Variants in CDK14 observed in about 807,000 individuals in gnomAD.
CDK14 encodes cyclin-dependent kinase 14.
CDK14 carries 34 observed loss-of-function variants against 60.7 expected under a neutral mutation model. That is an observed-to-expected ratio of 0.56 (90% confidence interval 0.43 to 0.75). CDK14 has a LOEUF of 0.75. Ranked by LOEUF, CDK14 falls within the 30% of genes least tolerant of loss-of-function variation. The probability of loss-of-function intolerance (pLI) is 0.00; values close to 1 mark genes in which losing one functional copy is unlikely to be tolerated. For missense variants in CDK14, 482 were observed against 564.1 expected, an observed-to-expected ratio of 0.85 and a Z score of 1.47; for synonymous variants, 197 against 203.7, an observed-to-expected ratio of 0.97 and a Z score of 0.28.
intron 2 of CDK14, chr7:90,709,375 A>C (rs1042274643): frequency 7.3e-7 from 1 of 1,366,772 alleles, no homozygotes; most frequent in Non-Finnish European, 9.5e-7. Context: ...GCTCTTAAAA[A>C]ATTGAATTGA....
At chr7:91,132,613 T>C (rs927354021) in intron 14 of CDK14, among the ~76,000 whole-genome samples, 3 of 152,300 alleles carry the variant, frequency 2.0e-5, no homozygotes, top group African/African-American at 4.8e-5. Flanking sequence ...TTTGAACTTA[T>C]TATGTTAGAT....
chr7:90,624,828 G>A (rs1308744232), intron 2 of CDK14, among the ~76,000 whole-genome samples: 5 of 152,138 alleles, frequency 3.3e-5, no homozygotes. Flanking sequence ...ATATATTATA[G>A]GGCGATAAGT....
intron 2 of CDK14, among the ~76,000 whole-genome samples, chr7:90,701,679 A>G (rs1322875720): frequency 2.0e-5 from 3 of 152,132 alleles, no homozygotes; most frequent in Admixed American, 2.0e-4. Context: ...AGCACTCTTG[A>G]TTATAAGGAG....
chr7:90,762,507 C>T (rs1251148423), intron 4 of CDK14, among the ~76,000 whole-genome samples: 1 of 152,078 alleles, frequency 6.6e-6, no homozygotes, highest in African/African-American at 2.4e-5. Context: ...GATATTAATA[C>T]AGACATATCA....
chr7:90,642,150 A>G (rs952136492), intron 2 of CDK14, among the ~76,000 whole-genome samples: 8 of 152,350 alleles, frequency 5.3e-5, no homozygotes, highest in African/African-American at 1.9e-4. Context: ...ACTTCAAATG[A>G]GTGAATTGTA....
At position 90,605,487 on chromosome 7, in the gene CDK14, T is replaced by C. The variant is rs11563417; in HGVS notation, c.123+1238T>C. Among the ~76,000 whole-genome samples the C allele has an allele frequency of 2.8e-3, 432 of 152,340 alleles. 4 individuals carry two copies. Among genetic ancestry groups the C allele is most frequent in the African/African-American group, 0.01 (416 of 41,582 alleles). ...AGTGGGCAATAATGGAGTTTTCCTC[T>C]AAACATGTATTTCTGGAATTTCGGT... On this transcript the variant is annotated intron_variant, in intron 2 of 14. Coordinates refer to ENST00000380050, the MANE Select transcript of CDK14 (RefSeq NM_001287135.2).
chr7:91,076,730 G>A (rs527577473), intron 11 of CDK14, among the ~76,000 whole-genome samples: 2 of 152,242 alleles, frequency 1.3e-5, no homozygotes, highest in Non-Finnish European at 2.9e-5. Flanking sequence ...CAGAATGGGG[G>A]AACATTTTTG....
At chr7:90,815,969 C>T (rs1225333713) in intron 5 of CDK14, among the ~76,000 whole-genome samples, 3 of 151,978 alleles carry the variant, frequency 2.0e-5, no homozygotes, top group Non-Finnish European at 2.9e-5. Context: ...CTAATGCATG[C>T]GGGGCTTAAG....
intron 3 of CDK14, among the ~76,000 whole-genome samples, chr7:90,736,775 CT>C (rs1418335980): frequency 6.6e-6 from 1 of 152,028 alleles, no homozygotes; most frequent in Non-Finnish European, 1.5e-5. Context: ...TTTGGAAATA[CT>C]GTGGTAGAAA....
intron 14 of CDK14, among the ~76,000 whole-genome samples, chr7:91,200,340 G>A (rs1802676130): frequency 6.6e-6 from 1 of 152,150 alleles, no homozygotes; most frequent in Admixed American, 6.5e-5. Context: ...TAGGTGCTTA[G>A]GGTTTAACAA....
At chr7:90,943,610 A>G (rs1562838610) in intron 8 of CDK14, among the ~76,000 whole-genome samples, 3 of 152,176 alleles carry the variant, frequency 2.0e-5, no homozygotes. Context: ...AGCCTTATTA[A>G]TAGACTTGTA....
chr7:90,877,214 A>G (rs1047151444), intron 6 of CDK14, among the ~76,000 whole-genome samples: 27 of 152,240 alleles, frequency 1.8e-4, no homozygotes, highest in Non-Finnish European at 3.4e-4. Context: ...AATTATTCAG[A>G]ATATATACAC....
intron 6 of CDK14, among the ~76,000 whole-genome samples, chr7:90,876,669 A>G (rs996860870): frequency 3.9e-5 from 6 of 152,156 alleles, no homozygotes; most frequent in African/African-American, 1.4e-4. Flanking sequence ...GAGCTTCAAA[A>G]TTTGGTGAGT....
chr7:90,709,533 T>C, intron 2 of CDK14: 1 of 1,612,854 alleles, frequency 6.2e-7, no homozygotes, highest in African/African-American at 1.3e-5. Flanking sequence ...TGAATTGCCT[T>C]GACAGCATAT....
chr7:91,118,361 C>T (rs1799675918), intron 14 of CDK14, among the ~76,000 whole-genome samples, 153 bp downstream of exon 14: 2 of 152,092 alleles, frequency 1.3e-5, no homozygotes, highest in South Asian at 4.1e-4. Flanking sequence ...ATAGAATGCA[C>T]TCAGTCATTT....
intron 14 of CDK14, among the ~76,000 whole-genome samples, chr7:91,205,236 G>T (rs1227042108): frequency 6.6e-6 from 1 of 152,066 alleles, no homozygotes; most frequent in Non-Finnish European, 1.5e-5. Flanking sequence ...ACTTATACAT[G>T]AATATTCAGA....
intron 5 of CDK14, among the ~76,000 whole-genome samples, chr7:90,834,412 G>A (rs1014792533): frequency 2.0e-5 from 3 of 152,194 alleles, no homozygotes; most frequent in Non-Finnish European, 4.4e-5. Flanking sequence ...AAGCTGATGT[G>A]TGGAGACTGA....
chr7:90,699,598 T>TGGC (rs1442653987), intron 2 of CDK14, among the ~76,000 whole-genome samples: 1 of 152,226 alleles, frequency 6.6e-6, no homozygotes, highest in Non-Finnish European at 1.5e-5. Flanking sequence ...CCTGTTTATA[T>TGGC]GGCTTCATCT....
chr7:90,863,670 A>AAGTGTG (rs1554357996), intron 6 of CDK14, among the ~76,000 whole-genome samples: 1 of 145,880 alleles, frequency 6.9e-6, no homozygotes, highest in African/African-American at 2.5e-5. Flanking sequence ...TTATTAAGAT[A>AAGTGTG]TGTGTGTGTG....
Sources: allele counts gnomAD v4.1 joint callset (sites outside exome capture counted in the v4.1 genomes callset), GRCh38; gene constraint gnomAD v4.1.1; transcripts MANE v1.5; gene names NCBI Gene and HGNC (gene_info 2026-07-23, HGNC 2026-07-21).